The following PRRC2B variants were observed in gnomAD, a reference collection of about 807,000 sequenced individuals.
PRRC2B encodes proline rich coiled-coil 2B.
PRRC2B carries 68 observed loss-of-function variants against 242.3 expected under a neutral mutation model. That is an observed-to-expected ratio of 0.28 (90% CI 0.23 to 0.34). PRRC2B has a LOEUF of 0.34. Ranked by LOEUF, PRRC2B falls within the 10% of genes least tolerant of loss-of-function variation. The pLI is 1.00. For synonymous variants in PRRC2B, 1,228 were observed against 1,173.6 expected (o/e 1.05, Z -0.95); for missense variants, 2,835 against 2,954.8 (o/e 0.96, Z 0.94).
intron 19 of PRRC2B, among the ~76,000 whole-genome samples, chr9:131,479,715 G>A (rs1045252098): frequency 5.9e-5 from 9 of 152,124 alleles, no homozygotes; most frequent in Non-Finnish European, 8.8e-5. Flanking sequence ...GTTGGTCGTC[G>A]TTTTCTCCCA....
Position 131,486,152 on chromosome 9 carries a change from A to G in PRRC2B, c.5826A>G (p.Gln1942=). The stretch of plus-strand genomic sequence containing the variant: ...CAAGTCAGCCCCGGCTGGTTCCTCA[A>G]ACGATACCTCAGCAGCAGAGTTACC... ...VFASQPRLVP[Q]TIPQQQSYQQ... The change falls in exon 26 of 32, where the codon CAA becomes CAG. Residue 1942 remains glutamine (Q), a synonymous_variant. Transcript: ENST00000683519. 3 of 1,612,474 alleles carry G rather than the reference A, an allele frequency of 1.9e-6. No individual in the cohort carries two copies. Among genetic ancestry groups the G allele is most frequent in the Non-Finnish European group, 2.5e-6 (3 of 1,179,206 alleles).
intron 4 of PRRC2B, 120 bp from the exon 5 acceptor site, chr9:131,438,869 A>C: frequency 1.0e-5 from 7 of 703,322 alleles, no homozygotes; most frequent in Non-Finnish European, 1.8e-5. Context: ...GTGGTGGTGG[A>C]TGGATCCGTA....
At chr9:131,400,206 C>T (rs1462954484) in intron 1 of PRRC2B, among the ~76,000 whole-genome samples, 1 of 152,184 alleles carries the variant, frequency 6.6e-6, no homozygotes, top group East Asian at 1.9e-4. Flanking sequence ...GCCTTAGCCT[C>T]CCAAGTAGCT....
intron 1 of PRRC2B, among the ~76,000 whole-genome samples, chr9:131,425,360 G>C (rs542338329): frequency 6.6e-6 from 1 of 152,264 alleles, no homozygotes; most frequent in South Asian, 2.1e-4. Flanking sequence ...GAGAAGTGTG[G>C]TGTGTGCCAG....
At chr9:131,386,530 C>G (rs1035239030) in intron 1 of PRRC2B, among the ~76,000 whole-genome samples, 4 of 150,190 alleles carry the variant, frequency 2.7e-5, no homozygotes, top group Non-Finnish European at 5.9e-5. Flanking sequence ...GACTTTCCCC[C>G]CTTAATACTT....
chr9:131,449,923 T>G (rs951575386), intron 9 of PRRC2B, among the ~76,000 whole-genome samples: 2 of 152,204 alleles, frequency 1.3e-5, no homozygotes, highest in African/African-American at 2.4e-5. Flanking sequence ...GGAGTCAAGG[T>G]TTGTTTTTTC....
At chr9:131,430,481 G>A (rs1402641954) in intron 2 of PRRC2B, among the ~76,000 whole-genome samples, 1 of 140,940 alleles carries the variant, frequency 7.1e-6, no homozygotes, top group East Asian at 2.1e-4. Flanking sequence ...TTACCTTATT[G>A]AAGCTGGGGA....
At chr9:131,424,638 A>G (rs1837933193) in intron 1 of PRRC2B, among the ~76,000 whole-genome samples, 1 of 152,098 alleles carries the variant, frequency 6.6e-6, no homozygotes. Flanking sequence ...GTGAGCCAAG[A>G]TTGTGCCACT....
At chr9:131,438,750 A>G (rs978859996) in intron 4 of PRRC2B, among the ~76,000 whole-genome samples, 1 of 152,122 alleles carries the variant, frequency 6.6e-6, no homozygotes, top group Non-Finnish European at 1.5e-5. Flanking sequence ...GTCACTCCCC[A>G]AATCCTGCTC....
chr9:131,447,345 G>C (rs1208901937), intron 8 of PRRC2B, 139 bp downstream of exon 8: 2 of 1,078,136 alleles, frequency 1.9e-6, no homozygotes, highest in Non-Finnish European at 2.6e-6. Context: ...GGCAGGGTGT[G>C]TGGGGTGGTG....
At chr9:131,392,140 C>G (rs866784818), upstream of PRRC2B, among the ~76,000 whole-genome samples, 4 of 151,310 alleles carry the variant, frequency 2.6e-5, no homozygotes, top group African/African-American at 9.7e-5. Flanking sequence ...ACTCTGTCAC[C>G]CAGGCTGGAG....
chr9:131,435,646 A>C (rs1350649470), intron 3 of PRRC2B, among the ~76,000 whole-genome samples: 1 of 150,824 alleles, frequency 6.6e-6, no homozygotes, highest in Non-Finnish European at 1.5e-5. Context: ...AAAGCCAAAA[A>C]ATTCTTATTG....
intron 1 of PRRC2B, among the ~76,000 whole-genome samples, chr9:131,406,061 A>G (rs1837352535): frequency 6.6e-6 from 1 of 152,158 alleles, no homozygotes; most frequent in Non-Finnish European, 1.5e-5. Context: ...CATAGACCGC[A>G]GCTATTAATG....
intron 16 of PRRC2B, among the ~76,000 whole-genome samples, chr9:131,476,860 C>T (rs1364660613): frequency 6.6e-6 from 1 of 152,162 alleles, no homozygotes; most frequent in African/African-American, 2.4e-5. Flanking sequence ...TGCACAGTGC[C>T]AGGTGCCGGT....
chr9:131,420,870 GC>G (rs1468555388), intron 1 of PRRC2B, among the ~76,000 whole-genome samples: 4 of 151,984 alleles, frequency 2.6e-5, no homozygotes, highest in Non-Finnish European at 5.9e-5. Flanking sequence ...ATCGAGTGAG[GC>G]AGCAGAAGTG....
chr9:131,490,605 T>C (rs2131481629), intron 28 of PRRC2B: 1 of 519,030 alleles, frequency 1.9e-6, no homozygotes, highest in East Asian at 5.5e-5. Flanking sequence ...CCCCATCCTG[T>C]TCCCCTGTCC....
In PRRC2B at chr9:131,387,623, C is replaced by T. The variant is rs1836842398; in HGVS notation, c.-56+13892C>T. Among the ~76,000 whole-genome samples the T allele has an allele frequency of 1.3e-5, 2 of 149,872 alleles. 1 individual carries two copies. Among genetic ancestry groups the T allele is most frequent in the Non-Finnish European group, 3.0e-5 (2 of 67,438 alleles). On this transcript the variant is annotated intron_variant, in intron 1 of 1. Transcript: ENST00000682525. ...ATCAAATAAGACAGATGCGGTCATCCTGCCTCTCACGGTACTGTCATCTCC... is the reference window on the plus strand; with the variant it reads ...ATCAAATAAGACAGATGCGGTCATCTTGCCTCTCACGGTACTGTCATCTCC...
intron 12 of PRRC2B, among the ~76,000 whole-genome samples, chr9:131,465,956 C>T (rs994267430): frequency 6.6e-6 from 1 of 152,164 alleles, no homozygotes; most frequent in Non-Finnish European, 1.5e-5. Flanking sequence ...AACTCCTGGC[C>T]TCAAGTGATC....
chr9:131,474,141 C>T (rs1943620379), intron 15 of PRRC2B, among the ~76,000 whole-genome samples: 1 of 152,192 alleles, frequency 6.6e-6, no homozygotes, highest in African/African-American at 2.4e-5. Context: ...GGAGGATTGC[C>T]TGGCTCCTCT....
Sources: gnomAD v4.1 joint callset for allele counts (sites outside exome capture counted in the v4.1 genomes callset) on GRCh38, gnomAD v4.1.1 for gene constraint, MANE v1.5 for transcripts, NCBI Gene and HGNC (gene_info 2026-07-23, HGNC 2026-07-21) for gene names.